DGKI: variants seen among roughly 807,000 people sequenced by gnomAD.
DGKI encodes the protein diacylglycerol kinase iota.
A neutral mutation model predicts 147.5 loss-of-function variants in DGKI; 55 were observed. The observed-to-expected ratio is 0.37, with a 90% CI of 0.30 to 0.47. The LOEUF (loss-of-function observed/expected upper bound fraction) is 0.47. Among genes scored for constraint, DGKI ranks in the 20% least tolerant of loss-of-function variants. The pLI, the probability that DGKI is intolerant of heterozygous loss-of-function variation, is 1.00. For synonymous variants in DGKI, 469 were observed against 477.1 expected (o/e 0.98, Z 0.22); for missense variants, 1,007 against 1,323.8 (o/e 0.76, Z 3.71).
At chr7:137,435,432 T>C (rs547422105) in intron 28 of DGKI, among the ~76,000 whole-genome samples, 220 of 152,152 alleles carry the variant, frequency 1.4e-3, no homozygotes, top group African/African-American at 5.1e-3. Flanking sequence ...ACAATGAAGG[T>C]GCCTGCCAGA....
chr7:137,622,415 T>C (rs910068229), intron 7 of DGKI, among the ~76,000 whole-genome samples: 2 of 151,978 alleles, frequency 1.3e-5, no homozygotes, highest in South Asian at 2.1e-4. Context: ...CCCTGTGCAA[T>C]GAAGGGGTTA....
intron 12 of DGKI, among the ~76,000 whole-genome samples, chr7:137,590,289 A>G (rs937045671): frequency 5.3e-5 from 8 of 152,232 alleles, no homozygotes; most frequent in African/African-American, 1.7e-4. Flanking sequence ...CATGGCCCAC[A>G]GAAAGGTGGG....
chr7:137,731,284 C>T (rs1794877888), intron 1 of DGKI, among the ~76,000 whole-genome samples: 1 of 152,076 alleles, frequency 6.6e-6, no homozygotes, highest in Non-Finnish European at 1.5e-5. Context: ...TTATAATTCT[C>T]TAGATTATTG....
At chr7:137,472,392 T>TATTATGTATATGTACA (rs61018353) in intron 23 of DGKI, among the ~76,000 whole-genome samples, 478 of 12,920 alleles carry the variant, frequency 0.037, 84 homozygotes, top group African/African-American at 0.058. Context: ...TATATACATA[T>TATTATGTATATGTACA]TATAATTATT....
intron 20 of DGKI, among the ~76,000 whole-genome samples, chr7:137,530,048 G>A (rs763490586): frequency 1.6e-4 from 25 of 152,112 alleles, no homozygotes; most frequent in Admixed American, 3.3e-4. Context: ...CACTGCACCC[G>A]GCCATGTTAT....
At chr7:137,455,008 G>A (rs1248957848) in intron 27 of DGKI, 1 of 152,158 alleles carries the variant, frequency 6.6e-6, no homozygotes, top group Non-Finnish European at 1.5e-5. Context: ...CTTATCTCGT[G>A]ATCCCGGATA....
At chr7:137,413,144 G>A (rs1812224879) in intron 28 of DGKI, among the ~76,000 whole-genome samples, 1 of 151,748 alleles carries the variant, frequency 6.6e-6, no homozygotes, top group Non-Finnish European at 1.5e-5. Flanking sequence ...TGGCACACCT[G>A]TAATCCCAGC....
intron 1 of DGKI, chr7:137,722,719 C>T (rs1381095087): frequency 1.3e-6 from 2 of 1,582,964 alleles, no homozygotes; most frequent in African/African-American, 2.7e-5. Flanking sequence ...GATTACGGAG[C>T]AGTGCAAGAT....
At position 137,381,754 on chromosome 7, in the gene DGKI, T is replaced by G. The variant is rs917137362; in HGVS notation, c.*9466A>C. On this transcript the variant is annotated 3_prime_UTR_variant, in exon 33 of 33. Coordinates refer to ENST00000614521, the MANE Select transcript of DGKI (RefSeq NM_001321708.2). ...TTTAAAAAACAGCCAAGCTAACCTT[T>G]GCTGAGACTATTTTGGCCCCTGACT... 2.0e-5 allele frequency: 3 copies of G among 152,120 alleles called. No homozygotes were observed. Among genetic ancestry groups the G allele is most frequent in the African/African-American group, 7.2e-5 (3 of 41,446 alleles). 9.4% of individuals were successfully genotyped at this position (152,120 alleles called of 1,614,324 possible).
In DGKI at chr7:137,597,900, A is replaced by G. The variant is rs765501588; in HGVS notation, c.1258T>C (p.Leu420=). 14 of 1,613,402 alleles carry G rather than the reference A, an allele frequency of 8.7e-6. No individual in the cohort carries two copies. The African/African-American group carries it at 1.9e-4, about 22-fold the overall frequency. ...SQEGPKDALE[L]YRKVPNLRIL... ...CGCAGATTTGGTACTTTCCTATACAATTCAAGCCTGTAGAGGAAATAGAAG... is the reference window on the plus strand; with the variant it reads ...CGCAGATTTGGTACTTTCCTATACAGTTCAAGCCTGTAGAGGAAATAGAAG... The change falls in exon 12 of 33, where the codon TTG becomes CTG. Residue 420 remains leucine, a synonymous_variant. Transcript: ENST00000614521.
intron 18 of DGKI, among the ~76,000 whole-genome samples, chr7:137,572,433 T>G (rs1221635416): frequency 6.6e-6 from 1 of 152,108 alleles, no homozygotes; most frequent in Admixed American, 6.5e-5. Flanking sequence ...ACAAAAAAAG[T>G]GTTTCAATTC....
chr7:137,603,435 G>A (rs1425518053), intron 10 of DGKI, among the ~76,000 whole-genome samples: 2 of 151,858 alleles, frequency 1.3e-5, no homozygotes, highest in East Asian at 1.9e-4. Context: ...ATGAGAGGAA[G>A]GGCTTAAGAA....
intron 28 of DGKI, among the ~76,000 whole-genome samples, chr7:137,430,935 C>G (rs1004742534): frequency 6.6e-6 from 1 of 152,166 alleles, no homozygotes; most frequent in Non-Finnish European, 1.5e-5. Flanking sequence ...CCCTCCTCTC[C>G]CCGAACTCCC....
At chr7:137,664,377 C>CAAAAAAAAAAACAAAAAAAAAAA (rs1822556880) in intron 3 of DGKI, among the ~76,000 whole-genome samples, 1 of 56,048 alleles carries the variant, frequency 1.8e-5, no homozygotes, top group African/African-American at 3.8e-5. Flanking sequence ...GACTCCATCT[C>CAAAAAAAAAAACAAAAAAAAAAA]AAAAAAAAAA....
At chr7:137,526,548 G>A (rs1817152558) in intron 20 of DGKI, among the ~76,000 whole-genome samples, 1 of 152,002 alleles carries the variant, frequency 6.6e-6, no homozygotes, top group South Asian at 2.1e-4. Context: ...AAGAGCACTT[G>A]TTGAATCACT....
intron 32 of DGKI, among the ~76,000 whole-genome samples, chr7:137,393,380 T>G (rs1811435359): frequency 6.6e-6 from 1 of 152,188 alleles, no homozygotes; most frequent in South Asian, 2.1e-4. Flanking sequence ...TTTGTCCCTC[T>G]TTTTCATGGC....
rs117746641 is a variant in DGKI at position 137,571,527 on chromosome 7, C to T, written c.1836-241G>A. ...TGTGGTATCCAACTTTCTCCTCGTT[C>T]GTTATCTATATTTCTCACTATGATT... On this transcript the variant is annotated intron_variant, in intron 18 of 32. Coordinates refer to ENST00000614521, the MANE Select transcript of DGKI (RefSeq NM_001321708.2). Among the ~76,000 whole-genome samples, 7 of 152,270 alleles carry T rather than the reference C, an allele frequency of 4.6e-5. No individual in the cohort carries two copies. The East Asian group carries it at 9.6e-4, about 21-fold the overall frequency.
intron 32 of DGKI, among the ~76,000 whole-genome samples, chr7:137,394,922 A>T (rs1225532872): frequency 6.6e-6 from 1 of 152,186 alleles, no homozygotes; most frequent in Non-Finnish European, 1.5e-5. Flanking sequence ...ATTTAATTTA[A>T]GCCTCAGCTA....
intron 1 of DGKI, among the ~76,000 whole-genome samples, chr7:137,704,249 C>T (rs1197932587): frequency 6.6e-6 from 1 of 152,036 alleles, no homozygotes; most frequent in African/African-American, 2.4e-5. Flanking sequence ...TAAACCATGT[C>T]TAAGGAGCTA....
Sources: gnomAD v4.1 joint callset for allele counts (sites outside exome capture counted in the v4.1 genomes callset) on GRCh38, gnomAD v4.1.1 for gene constraint, MANE v1.5 for transcripts, NCBI Gene and HGNC (gene_info 2026-07-23, HGNC 2026-07-21) for gene names.